Variants in FMN2 observed in about 807,000 individuals in gnomAD.
FMN2 encodes formin 2, also known as formin-2.
FMN2 carries 51 observed loss-of-function variants against 142.3 expected under a neutral mutation model. The observed-to-expected ratio is 0.36, with a 90% CI of 0.29 to 0.45. FMN2 has a LOEUF of 0.45. Among genes scored for constraint, FMN2 ranks in the 20% least tolerant of loss-of-function variants. The pLI is 1.00. For synonymous variants in FMN2, 882 were observed against 869.8 expected, an observed-to-expected ratio of 1.01 and a Z score of -0.25; for missense variants, 1,936 against 2,122.8, an observed-to-expected ratio of 0.91 and a Z score of 1.73.
chr1:240,273,934 G>C (rs1202320887), intron 7 of FMN2, among the ~76,000 whole-genome samples: 2 of 152,090 alleles, frequency 1.3e-5, no homozygotes, highest in Admixed American at 6.6e-5. Flanking sequence ...GTGTATGAGA[G>C]TGACTGATTT....
At chr1:240,153,176 T>C (rs745348984) in intron 2 of FMN2, among the ~76,000 whole-genome samples, 2 of 152,050 alleles carry the variant, frequency 1.3e-5, no homozygotes, top group African/African-American at 4.8e-5. Context: ...GTTGTTAAGA[T>C]GGAGGGTTAG....
chr1:240,294,248 T>C (rs1372346081), intron 7 of FMN2, among the ~76,000 whole-genome samples: 3 of 152,216 alleles, frequency 2.0e-5, no homozygotes, highest in Non-Finnish European at 4.4e-5. Context: ...CTTCCTTGTA[T>C]AACCATGGGT....
intron 2 of FMN2, among the ~76,000 whole-genome samples, chr1:240,161,383 A>G (rs1210363770): frequency 1.3e-5 from 2 of 152,044 alleles, no homozygotes; most frequent in East Asian, 1.9e-4. Context: ...ATAGAAAACA[A>G]TTAGCCAGGC....
chr1:240,266,020 C>CTTTT lies in FMN2; in HGVS notation c.4153+7999_4153+8002dup, dbSNP rs10680119. 2.4e-3 allele frequency among the ~76,000 whole-genome samples: 326 copies of CTTTT among 136,406 alleles called. 2 individuals are homozygous for CTTTT. The highest frequency in any genetic ancestry group is 0.012 in the East Asian group (54 of 4,664). 89.5% of individuals were successfully genotyped at this position (136,406 alleles called of 152,430 possible). A position where few individuals can be genotyped will look rare whatever the true frequency, so the allele number is the denominator to read the frequency against. On this transcript the variant is annotated intron_variant, in intron 7 of 17. Transcript: ENST00000319653. ...TGTAGAATCCAGAATCTGTTACTTCCTTTTTTTTTTTTTTAATAAATCAAC... is the reference window on the plus strand; with the variant it reads ...TGTAGAATCCAGAATCTGTTACTTCCTTTTTTTTTTTTTTTTTTAATAAATCAAC...
intron 11 of FMN2, among the ~76,000 whole-genome samples, chr1:240,332,107 G>A (rs545145139): frequency 1.5e-3 from 223 of 152,198 alleles, no homozygotes; most frequent in African/African-American, 5.3e-3. Context: ...TATGGAATGT[G>A]GACACTGCTC....
At chr1:240,277,490 A>G (rs1318196470) in intron 7 of FMN2, among the ~76,000 whole-genome samples, 2 of 112,802 alleles carry the variant, frequency 1.8e-5, no homozygotes, top group Admixed American at 8.9e-5. Flanking sequence ...TATGAAGATT[A>G]TGCCTTACCC....
intron 7 of FMN2, among the ~76,000 whole-genome samples, chr1:240,267,005 C>T (rs1201718247): frequency 2.0e-5 from 3 of 151,936 alleles, no homozygotes; most frequent in Admixed American, 2.0e-4. Flanking sequence ...TACAAGAAAA[C>T]CTAGGAAATA....
chr1:240,357,157 A>T (rs189847457), intron 14 of FMN2, among the ~76,000 whole-genome samples: 1 of 152,318 alleles, frequency 6.6e-6, no homozygotes, highest in East Asian at 1.9e-4. Context: ...AACAGGAAAT[A>T]ATATAGGTAA....
intron 6 of FMN2, chr1:240,245,539 G>A (rs1027432290): frequency 1.7e-5 from 8 of 471,376 alleles, no homozygotes; most frequent in South Asian, 7.7e-5. Flanking sequence ...TAGGGGTTGT[G>A]AAATAGAGCT....
chr1:240,311,420 T>G (rs537885588), intron 8 of FMN2, among the ~76,000 whole-genome samples: 1 of 152,306 alleles, frequency 6.6e-6, no homozygotes, highest in South Asian at 2.1e-4. Context: ...AGTATTGACT[T>G]TCCCCACATA....
At chr1:240,440,877 A>G (rs1177006752) in intron 16 of FMN2, among the ~76,000 whole-genome samples, 3 of 152,182 alleles carry the variant, frequency 2.0e-5, no homozygotes, top group Admixed American at 2.0e-4. Flanking sequence ...AATTTCTTGT[A>G]TAAAAATTAT....
At chr1:240,360,311 CCCA>C (rs1350659002) in intron 14 of FMN2, among the ~76,000 whole-genome samples, 1 of 152,206 alleles carries the variant, frequency 6.6e-6, no homozygotes, top group Non-Finnish European at 1.5e-5. Context: ...CCCACACTTA[CCCA>C]CCATCACATC....
Position 240,213,250 on chromosome 1 carries a change from T to C in FMN2, c.4065+2015T>C, listed in dbSNP as rs538691366. On this transcript the variant is annotated intron_variant, in intron 6 of 17. Coordinates refer to ENST00000319653, the MANE Select transcript of FMN2 (RefSeq NM_020066.5). ...TAAGAGACTTTGCCAATATCCTCAT[T>C]TGTGTTTATTGATAGTGACGCTACT... Among the ~76,000 whole-genome samples, 4 of 152,262 alleles carry C rather than the reference T, an allele frequency of 2.6e-5. No homozygotes were observed. The South Asian group carries it at 6.2e-4, about 24-fold the overall frequency.
At chr1:240,378,203 T>G (rs954716110) in intron 14 of FMN2, among the ~76,000 whole-genome samples, 3 of 151,994 alleles carry the variant, frequency 2.0e-5, no homozygotes, top group Non-Finnish European at 4.4e-5. Context: ...CAGGCTAGAG[T>G]ACAATGGCAT....
intron 6 of FMN2, among the ~76,000 whole-genome samples, chr1:240,253,572 A>G (rs1027583944): frequency 1.3e-5 from 2 of 151,842 alleles, no homozygotes; most frequent in African/African-American, 2.4e-5. Flanking sequence ...CATTATCTTG[A>G]ATTCTTTTTC....
chr1:240,316,141 G>T (rs1020190793), intron 8 of FMN2, among the ~76,000 whole-genome samples: 4 of 152,224 alleles, frequency 2.6e-5, no homozygotes, highest in Non-Finnish European at 5.9e-5. Context: ...AGCTTTGGAT[G>T]TAATGTGGAT....
At chr1:240,192,203 C>T (rs1665726286) in intron 4 of FMN2, among the ~76,000 whole-genome samples, 1 of 152,084 alleles carries the variant, frequency 6.6e-6, no homozygotes, top group South Asian at 2.1e-4. Flanking sequence ...CCACTCAGTT[C>T]CATTAGTTTC....
intron 8 of FMN2, among the ~76,000 whole-genome samples, chr1:240,315,011 A>T (rs1158673637): frequency 6.6e-6 from 1 of 152,204 alleles, no homozygotes; most frequent in African/African-American, 2.4e-5. Context: ...AACATTTTCC[A>T]GTAATTTTCC....
chr1:240,428,373 G>A (rs1558485779), intron 15 of FMN2, among the ~76,000 whole-genome samples: 2 of 150,464 alleles, frequency 1.3e-5, no homozygotes, highest in Non-Finnish European at 3.0e-5. Flanking sequence ...CTGGGCAGGT[G>A]CACACCACCA....
Sources: allele counts gnomAD v4.1 joint callset (sites outside exome capture counted in the v4.1 genomes callset), GRCh38; gene constraint gnomAD v4.1.1; transcripts MANE v1.5; gene names NCBI Gene and HGNC (gene_info 2026-07-23, HGNC 2026-07-21).